The following FAM169A variants were observed in gnomAD, a reference collection of about 807,000 sequenced individuals.
FAM169A encodes the protein soluble lamin-associated protein of 75 kDa.
A neutral mutation model predicts 75.7 loss-of-function variants in FAM169A; 24 were observed. That is an observed-to-expected ratio of 0.32 (90% CI 0.23 to 0.45). The LOEUF is 0.45. Ranked by LOEUF, FAM169A falls within the 20% of genes least tolerant of loss-of-function variation. The pLI, the probability that FAM169A is intolerant of heterozygous loss-of-function variation, is 1.00. For synonymous variants in FAM169A, 271 were observed against 271.0 expected (o/e 1.00, Z 0.00); for missense variants, 673 against 784.0 (o/e 0.86, Z 1.69).
At chr5:74,785,667 C>T (rs574004069) in intron 11 of FAM169A, among the ~76,000 whole-genome samples, 31 of 152,172 alleles carry the variant, frequency 2.0e-4, no homozygotes, top group Non-Finnish European at 4.0e-4. Flanking sequence ...GAGGCTAAAG[C>T]ATGAGAATCG....
At chr5:74,866,729 TG>T, upstream of FAM169A, 1 of 985,266 alleles carries the variant, frequency 1.0e-6, no homozygotes, top group Non-Finnish European at 1.2e-6. Flanking sequence ...ACGCTGATTT[TG>T]CGTATTCCTT....
intron 1 of FAM169A, among the ~76,000 whole-genome samples, chr5:74,853,350 A>G (rs1749540753): frequency 6.6e-6 from 1 of 152,230 alleles, no homozygotes; most frequent in African/African-American, 2.4e-5. Context: ...CACTCTACAC[A>G]TCTCATTCCT....
intron 12 of FAM169A, 26 bp downstream of exon 12, chr5:74,782,905 T>TA (rs931265470): frequency 1.9e-6 from 3 of 1,571,834 alleles, no homozygotes; most frequent in African/African-American, 1.4e-5. Flanking sequence ...TAAACTTTAT[T>TA]AAAAAATAGC....
chr5:74,799,385 G>C (rs1336687680), intron 10 of FAM169A: 3 of 1,612,888 alleles, frequency 1.9e-6, no homozygotes, highest in African/African-American at 2.7e-5. Flanking sequence ...GAAAATGACT[G>C]GTGGGTGAGC....
chr5:74,804,534 C>T lies in FAM169A; in HGVS notation c.871G>A (p.Ala291Thr), dbSNP rs1746761492. 13 of 1,611,728 alleles carry T rather than the reference C, an allele frequency of 8.1e-6. No individual in the cohort carries two copies. The highest frequency in any genetic ancestry group is 1.1e-5 in the Non-Finnish European group (13 of 1,178,384). ...CTAGACTGATTGTCTTCAGTTCTTGCTTCGTATTCTGGAACAGATGCAGGA... is the reference window on the plus strand; with the variant it reads ...CTAGACTGATTGTCTTCAGTTCTTGTTTCGTATTCTGGAACAGATGCAGGA... ...YGPASVPEYE[A>T]RTEDNQSSEM... Residue 291 changes from alanine to threonine, a missense_variant, in exon 8 of 13, where the codon GCA becomes ACA. This residue lies in a region of FAM169A where 510 missense variants were observed against 550.9 expected (regional missense o/e 0.93). Transcript: ENST00000687041.
chr5:74,816,847 C>A (rs945008581), intron 5 of FAM169A, among the ~76,000 whole-genome samples: 4 of 152,090 alleles, frequency 2.6e-5, no homozygotes, highest in Non-Finnish European at 5.9e-5. Context: ...TTGTTATTCA[C>A]CCCCCAAGAC....
intron 11 of FAM169A, among the ~76,000 whole-genome samples, chr5:74,788,351 T>C (rs1580075749): frequency 6.6e-6 from 1 of 151,864 alleles, no homozygotes; most frequent in African/African-American, 2.4e-5. Flanking sequence ...ACTGGTGGGG[T>C]GAGGGCTATT....
chr5:74,789,291 G>C (rs112158844), intron 11 of FAM169A, among the ~76,000 whole-genome samples: 2 of 152,314 alleles, frequency 1.3e-5, no homozygotes, highest in African/African-American at 4.8e-5. Context: ...AAATAAATCC[G>C]ACTACAATTC....
chr5:74,794,091 C>T (rs1245673429), intron 11 of FAM169A, among the ~76,000 whole-genome samples: 6 of 150,620 alleles, frequency 4.0e-5, no homozygotes, highest in African/African-American at 1.5e-4. Context: ...GCCTGTAATC[C>T]CAGCACTTTG....
At chr5:74,845,002 A>G (rs1749077227) in intron 1 of FAM169A, among the ~76,000 whole-genome samples, 1 of 152,182 alleles carries the variant, frequency 6.6e-6, no homozygotes. Context: ...AGATCAACTA[A>G]AAGTTACTTT....
chr5:74,847,243 T>C (rs1005322531), intron 1 of FAM169A, among the ~76,000 whole-genome samples: 1 of 152,146 alleles, frequency 6.6e-6, no homozygotes, highest in African/African-American at 2.4e-5. Context: ...TCCAGAACTT[T>C]TTCATCACCC....
chr5:74,859,926 G>C (rs988627211), intron 1 of FAM169A, among the ~76,000 whole-genome samples: 1 of 152,122 alleles, frequency 6.6e-6, no homozygotes, highest in Admixed American at 6.6e-5. Context: ...TAATAAAAGG[G>C]AGAAAAGGTA....
chr5:74,831,688 T>C (rs1355074177), intron 5 of FAM169A, among the ~76,000 whole-genome samples: 1 of 152,180 alleles, frequency 6.6e-6, no homozygotes, highest in Non-Finnish European at 1.5e-5. Flanking sequence ...ATTTTCAGAT[T>C]AGAGATATTC....
chr5:74,806,586 G>T (rs1561299172), intron 6 of FAM169A, among the ~76,000 whole-genome samples: 1 of 152,148 alleles, frequency 6.6e-6, no homozygotes, highest in African/African-American at 2.4e-5. Flanking sequence ...AACTTTCTGT[G>T]ATGATAGACA....
intron 5 of FAM169A, among the ~76,000 whole-genome samples, chr5:74,823,691 A>AC (rs1184814976): frequency 1.3e-5 from 2 of 152,160 alleles, no homozygotes; most frequent in African/African-American, 2.4e-5. Context: ...CTAGAACTTC[A>AC]CCTCAACAAA....
chr5:74,862,192 T>C (rs1487570078), intron 1 of FAM169A, among the ~76,000 whole-genome samples: 1 of 152,226 alleles, frequency 6.6e-6, no homozygotes, highest in Non-Finnish European at 1.5e-5. Context: ...GCTATTGGAA[T>C]GCTCTTCCTA....
At chr5:74,799,372 T>C in intron 10 of FAM169A, 1 of 1,612,344 alleles carries the variant, frequency 6.2e-7, no homozygotes, top group Non-Finnish European at 8.5e-7. Flanking sequence ...TTACTTTGAG[T>C]CTGAAAATGA....
chr5:74,828,560 T>C (rs1055020793), intron 5 of FAM169A, among the ~76,000 whole-genome samples: 16 of 152,200 alleles, frequency 1.1e-4, no homozygotes, highest in African/African-American at 3.1e-4. Flanking sequence ...TGTCCAGCTG[T>C]GCTGCATTAG....
intron 5 of FAM169A, among the ~76,000 whole-genome samples, chr5:74,824,547 G>C (rs1294387636): frequency 6.6e-6 from 1 of 151,860 alleles, no homozygotes. Context: ...CTAGTTTTGT[G>C]GTAGATAGTG....
Sources: gnomAD v4.1 joint callset for allele counts (sites outside exome capture counted in the v4.1 genomes callset) on GRCh38, gnomAD v4.1.1 for gene constraint, gnomAD v4.1.1 regional missense constraint, MANE v1.5 for transcripts, NCBI Gene and HGNC (gene_info 2026-07-23, HGNC 2026-07-21) for gene names.